LRRC37B: variants seen among roughly 807,000 people sequenced by gnomAD.
LRRC37B encodes leucine rich repeat containing 37B.
Under a neutral mutation model 98.3 loss-of-function variants are expected in LRRC37B, and 28 were observed. The ratio of observed to expected loss-of-function variants is 0.28; its 90% CI spans 0.21 to 0.39. The LOEUF (loss-of-function observed/expected upper bound fraction) is 0.39, where lower values mean the gene tolerates loss of function less well. Ranked by LOEUF, LRRC37B falls within the 10% of genes least tolerant of loss-of-function variation. The probability of loss-of-function intolerance (pLI) is 1.00; values close to 1 mark genes in which losing one functional copy is unlikely to be tolerated. For missense variants in LRRC37B, 938 were observed against 1,182.7 expected (o/e 0.79, Z 3.03); for synonymous variants, 364 against 442.7 (o/e 0.82, Z 2.23).
rs1393819062 is a variant in LRRC37B at position 32,049,920 on chromosome 17, G to C, written c.2758-83G>C. ...TGTAAGCTACTCAACTGGCATACTG[G>C]GGTTTTGAAAAGTTAGCTTCCATTC... On this transcript the variant is annotated intron_variant, in intron 10 of 11. Coordinates refer to ENST00000327564, the Ensembl canonical transcript of LRRC37B. 3 of 769,248 alleles carry C rather than the reference G, an allele frequency of 3.9e-6. No homozygotes were observed. The East Asian group carries it at 7.8e-5, about 20-fold the overall frequency. The allele number at this position is 769,248 out of a possible 1,614,324, so 47.7% of individuals were successfully genotyped here.
intron 7 of LRRC37B, 160 bp downstream of exon 10, chr17:32,035,799 C>A (rs551173609): frequency 2.4e-5 from 17 of 720,944 alleles, no homozygotes; most frequent in Admixed American, 3.6e-5. Flanking sequence ...AGTTACATAA[C>A]CACCACCACA....
chr17:32,019,069 G>C (rs1910707124), upstream of LRRC37B, among the ~76,000 whole-genome samples: 1 of 152,118 alleles, frequency 6.6e-6, no homozygotes, highest in South Asian at 2.1e-4. Context: ...TGGGATTATA[G>C]GCACGCACCA....
At chr17:32,037,920 A>G (rs1311781185) in intron 7 of LRRC37B, among the ~76,000 whole-genome samples, 6 of 152,016 alleles carry the variant, frequency 3.9e-5, no homozygotes. Flanking sequence ...ATCCTGGCTA[A>G]CACAGTGAAA....
intron 7 of LRRC37B, among the ~76,000 whole-genome samples, chr17:32,039,530 A>C (rs1911359509): frequency 2.1e-5 from 2 of 93,200 alleles, no homozygotes; most frequent in African/African-American, 4.3e-5. Flanking sequence ...ATATGTATGT[A>C]TTTTTATATA....
At chr17:32,008,021 T>G in exon 1 of LRRC37B, 1 of 516,648 alleles carries the variant, frequency 1.9e-6, no homozygotes. Context: ...TGAGGACAAC[T>G]AGGAGGATGA....
chr17:32,052,911 C>T (rs564178785), intron 11 of LRRC37B: 2,288 of 187,304 alleles, frequency 0.012, 23 homozygotes, highest in Middle Eastern at 0.024. Flanking sequence ...TGACACTGCT[C>T]TCCAGCCTGA....
At chr17:32,034,807 T>C in intron 5 of LRRC37B, 103 bp from the exon 9 acceptor site, 1 of 791,024 alleles carries the variant, frequency 1.3e-6, no homozygotes. Flanking sequence ...CAGAAAATTA[T>C]TTTTTTTACC....
intron 5 of LRRC37B, among the ~76,000 whole-genome samples, chr17:32,033,732 G>T (rs1487663702): frequency 1.3e-5 from 2 of 152,086 alleles, no homozygotes; most frequent in East Asian, 3.9e-4. Flanking sequence ...CCTAAAGCGT[G>T]ATTTTCTTTT....
Position 32,022,834 on chromosome 17 carries a change from C to T in LRRC37B, c.1760+9C>T. The T allele has an allele frequency of 1.9e-6, 3 of 1,611,954 alleles. No individual in the cohort carries two copies. Among genetic ancestry groups the T allele is most frequent in the Non-Finnish European group, 2.5e-6 (3 of 1,178,442 alleles). On this transcript the variant is annotated intron_variant, in intron 1 of 11. Transcript: ENST00000327564. ...GGCATCTTCACCACCTTGTAAGAAT[C>T]ACCTTTCCTCAATCATCCTCTGTGT...
intron 1 of LRRC37B, among the ~76,000 whole-genome samples, chr17:32,015,820 G>A (rs1323934925): frequency 2.6e-5 from 4 of 152,160 alleles, no homozygotes; most frequent in African/African-American, 9.7e-5. Context: ...TGAGCCAGGG[G>A]GGCATGAGTA....
At chr17:32,045,466 A>G (rs538056047) in intron 7 of LRRC37B, 2 of 519,152 alleles carry the variant, frequency 3.9e-6, no homozygotes, top group Non-Finnish European at 7.0e-6. Context: ...GTGTCACCCA[A>G]TTCTAATCCC....
chr17:32,007,838 GGCCCGCCCCGC>G (rs1472546200), upstream of LRRC37B: 62 of 1,170,442 alleles, frequency 5.3e-5, no homozygotes, highest in African/African-American at 8.1e-4. The surrounding 1 kb of genome is among the most constrained non-coding windows in gnomAD (Gnocchi z 4.1). Flanking sequence ...CACCGCCGCC[GGCCCGCCCCGC>G]GCCGGCACCA....
intron 1 of LRRC37B, among the ~76,000 whole-genome samples, chr17:32,013,170 C>T (rs568038165): frequency 1.3e-5 from 2 of 152,172 alleles, no homozygotes; most frequent in South Asian, 2.1e-4. Flanking sequence ...TATTCGTTTA[C>T]TTTCAATTTA....
intron 1 of LRRC37B, among the ~76,000 whole-genome samples, chr17:32,010,059 C>G (rs1910492177): frequency 6.6e-6 from 1 of 152,168 alleles, no homozygotes; most frequent in Non-Finnish European, 1.5e-5. Context: ...GTTTCATTGT[C>G]TTAGCAGTGT....
chr17:32,050,204 G>C (rs1222121659), intron 11 of LRRC37B, 97 bp downstream of exon 14: 17 of 733,800 alleles, frequency 2.3e-5, no homozygotes, highest in Non-Finnish European at 4.0e-5. Flanking sequence ...TTTCCCACTT[G>C]ACATTCTTCT....
chr17:32,021,596 T>C (rs1020114415), exon 1 of LRRC37B: 1 of 1,614,120 alleles, frequency 6.2e-7, no homozygotes, highest in African/African-American at 1.3e-5. Context: ...TTCAGCTTCC[T>C]CGCCTCAAGT....
chr17:32,021,423 A>G (rs1295839914), exon 1 of LRRC37B: 1 of 1,613,636 alleles, frequency 6.2e-7, no homozygotes, highest in Non-Finnish European at 8.5e-7. Context: ...ACCAACTGAA[A>G]ATTTGGCTCC....
intron 9 of LRRC37B, among the ~76,000 whole-genome samples, chr17:32,048,569 G>A (rs896470474): frequency 2.0e-5 from 3 of 151,764 alleles, no homozygotes; most frequent in African/African-American, 4.8e-5. Flanking sequence ...TTTAATTTTA[G>A]AAATGGCAAT....
intron 7 of LRRC37B, chr17:32,041,504 C>T (rs772150118): frequency 8.6e-6 from 5 of 578,496 alleles, no homozygotes; most frequent in Middle Eastern, 2.7e-4. Context: ...GCTACATGGA[C>T]GTGCTCATGC....
Sources: gnomAD v4.1 joint callset for allele counts (sites outside exome capture counted in the v4.1 genomes callset) on GRCh38, gnomAD v4.1.1 for gene constraint, Gnocchi (gnomAD v3.1) non-coding constraint, MANE v1.5 for transcripts, NCBI Gene and HGNC (gene_info 2026-07-23, HGNC 2026-07-21) for gene names.